Variants in SEPTIN11 observed in about 807,000 individuals in gnomAD.
SEPTIN11 encodes the protein septin 11.
A neutral mutation model predicts 51.4 loss-of-function variants in SEPTIN11; 25 were observed. The observed-to-expected ratio is 0.49, with a 90% CI of 0.35 to 0.68. The LOEUF is 0.68. Ranked by LOEUF, SEPTIN11 falls within the 30% of genes least tolerant of loss-of-function variation. The pLI, the probability that SEPTIN11 is intolerant of heterozygous loss-of-function variation, is 0.00. For synonymous variants in SEPTIN11, 174 were observed against 184.1 expected (o/e 0.95, Z 0.44); for missense variants, 381 against 520.8 (o/e 0.73, Z 2.61).
intron 1 of SEPTIN11, among the ~76,000 whole-genome samples, chr4:76,978,017 G>A (rs1722581119): frequency 6.6e-6 from 1 of 152,146 alleles, no homozygotes; most frequent in Non-Finnish European, 1.5e-5. Context: ...TGTAAGCTTT[G>A]GTTGATTTTT....
intron 1 of SEPTIN11, among the ~76,000 whole-genome samples, chr4:76,974,057 A>G (rs1199683865): frequency 6.6e-6 from 1 of 152,156 alleles, no homozygotes; most frequent in African/African-American, 2.4e-5. Context: ...GCCCCAGAAT[A>G]CAGCTTCTGG....
chr4:76,975,650 T>A (rs890748337), intron 1 of SEPTIN11, among the ~76,000 whole-genome samples: 1 of 152,224 alleles, frequency 6.6e-6, no homozygotes, highest in South Asian at 2.1e-4. Context: ...CGTATTCTTT[T>A]GGTTGAAGTA....
intron 8 of SEPTIN11, among the ~76,000 whole-genome samples, chr4:77,029,821 CAT>C (rs779996904): frequency 6.6e-6 from 1 of 151,374 alleles, no homozygotes; most frequent in Non-Finnish European, 1.5e-5. Context: ...TATACATACA[CAT>C]ATATATGTGT....
At chr4:76,978,438 C>T (rs567298744) in intron 1 of SEPTIN11, among the ~76,000 whole-genome samples, 2 of 152,174 alleles carry the variant, frequency 1.3e-5, no homozygotes, top group African/African-American at 2.4e-5. Context: ...ATGGCCAACA[C>T]ACACATCACT....
chr4:76,991,736 T>A (rs1445581571), intron 1 of SEPTIN11, among the ~76,000 whole-genome samples: 1 of 152,218 alleles, frequency 6.6e-6, no homozygotes, highest in Non-Finnish European at 1.5e-5. Flanking sequence ...TATTGATGAC[T>A]TTTATCCTTC....
rs189517955 is a variant in SEPTIN11 at position 76,981,074 on chromosome 4, C to A, written c.28-15351C>A. ...CTTGCTGAGAAGTCTGGGCTGCTGA[C>A]CCAAACCTTTTGTGCTTTGTGGTAA... On this transcript the variant is annotated intron_variant, in intron 1 of 9. Coordinates refer to ENST00000264893, the MANE Select transcript of SEPTIN11 (RefSeq NM_018243.4). Among the ~76,000 whole-genome samples the A allele has an allele frequency of 2.9e-3, 437 of 152,286 alleles. 1 individual carries two copies. The highest frequency in any genetic ancestry group is 4.9e-3 in the Non-Finnish European group (336 of 68,024).
At chr4:77,014,788 A>G in intron 4 of SEPTIN11, 68 bp from the exon 5 acceptor site, 1 of 1,487,904 alleles carries the variant, frequency 6.7e-7, no homozygotes, top group East Asian at 2.3e-5. Flanking sequence ...TTTGTTTGCT[A>G]TGTTTTATTC....
At chr4:76,995,643 C>A in intron 1 of SEPTIN11, 1 of 607,742 alleles carries the variant, frequency 1.6e-6, no homozygotes, top group Non-Finnish European at 2.6e-6. Flanking sequence ...TTATCTCCAA[C>A]ACCCACGGGA....
intron 7 of SEPTIN11, among the ~76,000 whole-genome samples, chr4:77,021,844 G>A (rs899344479): frequency 6.6e-6 from 1 of 152,192 alleles, no homozygotes; most frequent in Non-Finnish European, 1.5e-5. Context: ...GCCTGGGCTT[G>A]TCGCCTGGCA....
chr4:76,998,831 G>A (rs148214669), intron 2 of SEPTIN11, among the ~76,000 whole-genome samples: 6 of 152,128 alleles, frequency 3.9e-5, no homozygotes, highest in South Asian at 2.1e-4. Flanking sequence ...TTCCTGACAC[G>A]TCTCACCAAA....
intron 1 of SEPTIN11, among the ~76,000 whole-genome samples, chr4:76,995,451 C>T (rs553471851): frequency 6.6e-6 from 1 of 151,098 alleles, no homozygotes; most frequent in East Asian, 1.9e-4. Flanking sequence ...ATCATTTTCT[C>T]ACCTGGACTC....
At chr4:76,955,477 G>C (rs1721520329) in intron 1 of SEPTIN11, among the ~76,000 whole-genome samples, 1 of 152,222 alleles carries the variant, frequency 6.6e-6, no homozygotes, top group Admixed American at 6.5e-5. Context: ...GGTAGGGAGA[G>C]TGGACAGACA....
intron 2 of SEPTIN11, among the ~76,000 whole-genome samples, chr4:77,005,208 C>T (rs188586486): frequency 2.2e-4 from 33 of 152,292 alleles, no homozygotes; most frequent in African/African-American, 7.2e-4. Flanking sequence ...AGAAATTCAA[C>T]AGTATAGTCT....
At chr4:77,028,832 A>G in intron 8 of SEPTIN11, 71 bp downstream of exon 8, 3 of 1,505,642 alleles carry the variant, frequency 2.0e-6, no homozygotes, top group Non-Finnish European at 2.7e-6. Flanking sequence ...CACGCTTTAG[A>G]GGACTTCATG....
rs1726962437 is a variant in SEPTIN11, at chr4:77,035,464, G to A, written c.*952G>A. Reference sequence around the variant, plus strand: ...CATGAATCATGAGAAAATTTCCACAGATACTTCCCTTAGAAAATTTGCTAT... The same window carrying A: ...CATGAATCATGAGAAAATTTCCACAAATACTTCCCTTAGAAAATTTGCTAT... On this transcript the variant is annotated 3_prime_UTR_variant, in exon 10 of 10. Coordinates refer to ENST00000264893, the MANE Select transcript of SEPTIN11 (RefSeq NM_018243.4). The A allele has an allele frequency of 1.0e-6, 1 of 985,236 alleles. No homozygotes were observed. Among genetic ancestry groups the A allele is most frequent in the Non-Finnish European group, 1.2e-6 (1 of 829,912 alleles). The allele number at this position is 985,236 out of a possible 1,614,324, so 61.0% of individuals were successfully genotyped here. A position where few individuals can be genotyped will look rare whatever the true frequency, so the allele number is the denominator to read the frequency against.
At chr4:76,965,449 T>TC (rs1202848506) in intron 1 of SEPTIN11, among the ~76,000 whole-genome samples, 1 of 140,130 alleles carries the variant, frequency 7.1e-6, no homozygotes, top group African/African-American at 2.7e-5. Context: ...AGACTCCATT[T>TC]CAAAAAAAAA....
intron 1 of SEPTIN11, among the ~76,000 whole-genome samples, chr4:76,954,034 A>G (rs1010273741): frequency 1.1e-4 from 17 of 152,186 alleles, no homozygotes; most frequent in Non-Finnish European, 2.1e-4. Context: ...AATACTCTTA[A>G]AATGAAGGAA....
At chr4:76,957,080 C>T (rs1721596592) in intron 1 of SEPTIN11, among the ~76,000 whole-genome samples, 1 of 151,724 alleles carries the variant, frequency 6.6e-6, no homozygotes, top group African/African-American at 2.4e-5. Context: ...TTCTCCTACT[C>T]ACTGGTGATG....
chr4:77,014,432 G>A (rs1725073934), intron 4 of SEPTIN11, among the ~76,000 whole-genome samples: 2 of 152,078 alleles, frequency 1.3e-5, no homozygotes, highest in African/African-American at 4.8e-5. Context: ...GGAGTGGTTG[G>A]TCATTCAAAG....
Sources: gnomAD v4.1 joint callset for allele counts (sites outside exome capture counted in the v4.1 genomes callset) on GRCh38, gnomAD v4.1.1 for gene constraint, MANE v1.5 for transcripts, NCBI Gene and HGNC (gene_info 2026-07-23, HGNC 2026-07-21) for gene names.